SIK3: variants seen among roughly 807,000 people sequenced by gnomAD.
SIK3 encodes the protein serine/threonine-protein kinase SIK3.
A neutral mutation model predicts 144.2 loss-of-function variants in SIK3; 28 were observed. That is an observed-to-expected ratio of 0.19 (90% CI 0.14 to 0.27). The LOEUF (loss-of-function observed/expected upper bound fraction) is 0.27, where lower values mean the gene tolerates loss of function less well. Among genes scored for constraint, SIK3 ranks in the 10% least tolerant of loss-of-function variants. The pLI is 1.00. For synonymous variants in SIK3, 686 were observed against 676.3 expected (o/e 1.01, Z -0.22); for missense variants, 1,319 against 1,776.0 (o/e 0.74, Z 4.62).
chr11:116,851,735 G>T (rs751096069), intron 21 of SIK3, among the ~76,000 whole-genome samples: 1 of 152,202 alleles, frequency 6.6e-6, no homozygotes, highest in Non-Finnish European at 1.5e-5. Context: ...TGCTCTGTGG[G>T]ATTAGCCCGC....
rs1943096870 is a variant in SIK3, at chr11:116,858,333, A to T, written c.3132T>A (p.Ile1044=). Residue 1044 remains isoleucine, a synonymous_variant, in exon 21 of 25, where the codon ATT becomes ATA. Transcript: ENST00000445177. The surrounding 1 kb of genome is among the most constrained non-coding windows in gnomAD (Gnocchi z 5.4). ...RLPPTEFAQL[I]KRQQQQRQQQ... Reference sequence around the variant, plus strand: ...GCTGCCGTTGTTGCTGCTGCCTTTTAATGAGCTGTGCAAACTCTGTTGGGG... The same window carrying T: ...GCTGCCGTTGTTGCTGCTGCCTTTTTATGAGCTGTGCAAACTCTGTTGGGG... 1 of 1,612,988 alleles carries T rather than the reference A, an allele frequency of 6.2e-7. No individual in the cohort carries two copies. Among genetic ancestry groups the T allele is most frequent in the Non-Finnish European group, 8.5e-7 (1 of 1,179,512 alleles).
At chr11:117,087,451 G>A (rs1046759936) in intron 1 of SIK3, among the ~76,000 whole-genome samples, 1 of 152,022 alleles carries the variant, frequency 6.6e-6, no homozygotes, top group Non-Finnish European at 1.5e-5. Context: ...TCAAAAAAAG[G>A]TTAGATTTAC....
At position 116,909,772 on chromosome 11, in the gene SIK3, A is replaced by C. The variant is rs1591297737; in HGVS notation, c.617-12455T>G. Reference sequence around the variant, plus strand: ...CTTAAAACAACTCACTGACTAACTAAGAACAGAGAGGGTGGGAGAAAGGGA... The same window carrying C: ...CTTAAAACAACTCACTGACTAACTACGAACAGAGAGGGTGGGAGAAAGGGA... On this transcript the variant is annotated intron_variant, in intron 4 of 24. Coordinates refer to ENST00000445177, the MANE Select transcript of SIK3 (RefSeq NM_001366686.3). Among the ~76,000 whole-genome samples, 3 of 152,304 alleles carry C rather than the reference A, an allele frequency of 2.0e-5. No homozygotes were observed. The South Asian group carries it at 6.2e-4, about 32-fold the overall frequency.
chr11:116,990,747 C>T (rs1412324312), intron 1 of SIK3, among the ~76,000 whole-genome samples: 2 of 152,094 alleles, frequency 1.3e-5, no homozygotes, highest in African/African-American at 2.4e-5. Context: ...ATTATATTTT[C>T]TTCTCCTACC....
chr11:116,964,420 C>A (rs1439761519), intron 1 of SIK3, among the ~76,000 whole-genome samples: 1 of 152,024 alleles, frequency 6.6e-6, no homozygotes, highest in East Asian at 1.9e-4. Context: ...TTATACACAC[C>A]AATCACAACT....
At chr11:117,047,836 A>G (rs1405325294) in intron 1 of SIK3, among the ~76,000 whole-genome samples, 1 of 152,198 alleles carries the variant, frequency 6.6e-6, no homozygotes, top group Non-Finnish European at 1.5e-5. Context: ...TTATGAAAAA[A>G]TGTTATTCAA....
chr11:116,844,502 G>A lies in SIK3; in HGVS notation c.*1141C>T, dbSNP rs1443632894. 6.7e-6 allele frequency: 1 copy of A among 148,640 alleles called. No homozygotes were observed. Among genetic ancestry groups the A allele is most frequent in the African/African-American group, 2.5e-5 (1 of 40,690 alleles). The allele number at this position is 148,640 out of a possible 1,614,324, so 9.2% of individuals were successfully genotyped here. A position where few individuals can be genotyped will look rare whatever the true frequency, so the allele number is the denominator to read the frequency against. On this transcript the variant is annotated 3_prime_UTR_variant, in exon 25 of 25. Coordinates refer to ENST00000445177, the MANE Select transcript of SIK3 (RefSeq NM_001366686.3). The stretch of plus-strand genomic sequence containing the variant: ...GGGGCTGAGGGTACCCAGTGGGGAA[G>A]AGGAGGTTAGGAGAGAGGCAGGGCC...
At chr11:116,982,543 TTCCCAAA>T (rs1266702949) in intron 1 of SIK3, among the ~76,000 whole-genome samples, 1 of 152,072 alleles carries the variant, frequency 6.6e-6, no homozygotes, top group African/African-American at 2.4e-5. Context: ...CCACCTCGGC[TTCCCAAA>T]GTGCTGGGAT....
intron 15 of SIK3, chr11:116,864,036 G>A (rs893689947): frequency 1.4e-4 from 58 of 427,744 alleles, no homozygotes; most frequent in African/African-American, 7.2e-4. Flanking sequence ...ACTTACCTTC[G>A]GTTGGCTTAC....
rs1451738551 is a variant in SIK3 at position 116,859,571 on chromosome 11, G to T, written c.2459C>A (p.Pro820His). ...AASSSQFQGL[P>H]SRSAIFQQQP... is the part of the protein sequence containing the mutation. ...CTGCTGAAAGATTGCACTGCGGGAAGGTAAGCCTTGAAACTGGGAAGAAGA... is the reference window on the plus strand; with the variant it reads ...CTGCTGAAAGATTGCACTGCGGGAATGTAAGCCTTGAAACTGGGAAGAAGA... The change falls in exon 20 of 25, where the codon CCT (proline) becomes CAT (histidine). Residue 820 changes from proline to histidine, a missense_variant. By Grantham distance (77) the Pro-to-His change is moderately conservative. Transcript: ENST00000445177. 1 of 1,614,128 alleles carries T rather than the reference G, an allele frequency of 6.2e-7. No individual in the cohort carries two copies. Among genetic ancestry groups the T allele is most frequent in the Non-Finnish European group, 8.5e-7 (1 of 1,179,994 alleles).
intron 4 of SIK3, among the ~76,000 whole-genome samples, chr11:116,917,178 T>A (rs1946691491): frequency 6.6e-6 from 1 of 151,912 alleles, no homozygotes; most frequent in African/African-American, 2.4e-5. Context: ...GAAGGAGCAC[T>A]CTGGGTGATT....
intron 6 of SIK3, among the ~76,000 whole-genome samples, chr11:116,877,308 T>A (rs1197594713): frequency 1.3e-5 from 2 of 152,244 alleles, no homozygotes; most frequent in African/African-American, 4.8e-5. Context: ...GGTCTGGGGA[T>A]AATCCATGGA....
At chr11:116,988,086 C>G (rs749726424) in intron 1 of SIK3, among the ~76,000 whole-genome samples, 8 of 152,094 alleles carry the variant, frequency 5.3e-5, no homozygotes, top group Non-Finnish European at 1.2e-4. Flanking sequence ...CAAGCAAAGC[C>G]TAAGTACAAA....
At position 116,847,528 on chromosome 11, in the gene SIK3, G is replaced by A. The variant is rs1015692764; in HGVS notation, c.3900C>T (p.Leu1300=). ...GGCTGCCCATGAGCGAAGACTGACT[G>A]AGAACTGCATCCGACATCCGGGCAG... The part of the protein sequence containing the change: ...LSSARMSDAV[L]SQSSLMGSQQ... Residue 1300 remains leucine (L), a synonymous_variant, in exon 23 of 25, where the codon CTC becomes CTT. Coordinates refer to ENST00000445177, the MANE Select transcript of SIK3 (RefSeq NM_001366686.3). 1 of 1,614,082 alleles carries A rather than the reference G, an allele frequency of 6.2e-7. No homozygotes were observed. Among genetic ancestry groups the A allele is most frequent in the African/African-American group, 1.3e-5 (1 of 74,922 alleles).
At chr11:116,939,515 A>G (rs1948170761) in intron 3 of SIK3, among the ~76,000 whole-genome samples, 1 of 152,244 alleles carries the variant, frequency 6.6e-6, no homozygotes, top group African/African-American at 2.4e-5. Context: ...TAAAAGACTG[A>G]TGGGAAACTT....
chr11:116,884,218 T>C (rs1944692305), intron 6 of SIK3, among the ~76,000 whole-genome samples: 1 of 152,124 alleles, frequency 6.6e-6, no homozygotes, highest in Admixed American at 6.5e-5. Context: ...TATTTTGAAA[T>C]GGAGTCTCAT....
intron 1 of SIK3, among the ~76,000 whole-genome samples, chr11:117,073,061 G>C (rs552326123): frequency 7.1e-4 from 108 of 152,152 alleles, no homozygotes; most frequent in African/African-American, 2.6e-3. Flanking sequence ...AAAAGTTCCA[G>C]GTCCTGGCTA....
chr11:116,889,977 T>C (rs660443), intron 6 of SIK3, among the ~76,000 whole-genome samples: 68,841 of 152,126 alleles, frequency 0.45, 18,880 homozygotes, highest in Non-Finnish European at 0.63. Context: ...ACTACTGATA[T>C]TATGATTTGG....
intron 1 of SIK3, among the ~76,000 whole-genome samples, chr11:116,964,279 G>C (rs1949445847): frequency 6.6e-6 from 1 of 152,094 alleles, no homozygotes; most frequent in Non-Finnish European, 1.5e-5. Flanking sequence ...GGGGTTACAC[G>C]CAACAGCCAC....
Sources: allele counts gnomAD v4.1 joint callset (sites outside exome capture counted in the v4.1 genomes callset), GRCh38; gene constraint gnomAD v4.1.1; non-coding constraint Gnocchi (gnomAD v3.1); transcripts MANE v1.5; gene names NCBI Gene and HGNC (gene_info 2026-07-23, HGNC 2026-07-21).